The following CADM2 variants were observed in gnomAD, a reference collection of about 807,000 sequenced individuals.
CADM2 encodes immunoglobulin superfamily member 4D.
Under a neutral mutation model 49.8 loss-of-function variants are expected in CADM2, and 12 were observed. The ratio of observed to expected loss-of-function variants is 0.24; its 90% confidence interval spans 0.15 to 0.39. CADM2 has a LOEUF of 0.39. CADM2 is among the 10% of genes least tolerant of loss of function. The probability of loss-of-function intolerance (pLI) is 1.00; values close to 1 mark genes in which losing one functional copy is unlikely to be tolerated. For missense variants in CADM2, 378 were observed against 492.3 expected, an observed-to-expected ratio of 0.77 and a Z score of 2.20; for synonymous variants, 214 against 175.4, an observed-to-expected ratio of 1.22 and a Z score of -1.74.
chr3:85,454,396 C>A (rs548099256), intron 1 of CADM2, among the ~76,000 whole-genome samples: 2 of 152,032 alleles, frequency 1.3e-5, no homozygotes, highest in East Asian at 3.9e-4. Context: ...CAGAATCCCA[C>A]CAAGCAAGCA....
intron 1 of CADM2, among the ~76,000 whole-genome samples, chr3:85,677,112 C>T (rs147243542): frequency 2.6e-5 from 4 of 152,230 alleles, no homozygotes; most frequent in African/African-American, 4.8e-5. Context: ...ACTGTTCACA[C>T]GTATTGACCT....
At chr3:85,750,255 A>T (rs1412526147) in intron 2 of CADM2, among the ~76,000 whole-genome samples, 1 of 151,924 alleles carries the variant, frequency 6.6e-6, no homozygotes, top group African/African-American at 2.4e-5. Flanking sequence ...ATCATGAATG[A>T]GTTTATTTTG....
chr3:85,450,019 G>A (rs1166013465), intron 1 of CADM2, among the ~76,000 whole-genome samples: 1 of 152,176 alleles, frequency 6.6e-6, no homozygotes, highest in Admixed American at 6.5e-5. Context: ...GCAAGGTTAG[G>A]AAACAGGTAA....
At chr3:85,441,136 G>T (rs1408338888) in intron 1 of CADM2, among the ~76,000 whole-genome samples, 2 of 151,654 alleles carry the variant, frequency 1.3e-5, no homozygotes, top group African/African-American at 4.8e-5. Context: ...TCAATCTTCA[G>T]TGTTTTCATG....
chr3:85,058,085 C>A (rs931279717), intron 1 of CADM2, among the ~76,000 whole-genome samples: 7 of 152,228 alleles, frequency 4.6e-5, no homozygotes, highest in Admixed American at 6.5e-5. Flanking sequence ...TATATTCTGT[C>A]TTTTTCTCTG....
intron 7 of CADM2, among the ~76,000 whole-genome samples, chr3:85,943,510 G>A (rs1260757290): frequency 1.3e-5 from 2 of 150,704 alleles, no homozygotes; most frequent in Admixed American, 6.7e-5. Context: ...ATTGATTTTT[G>A]TATAAGGTGT....
At chr3:85,861,318 G>A (rs61708211) in intron 3 of CADM2, among the ~76,000 whole-genome samples, 7,675 of 152,144 alleles carry the variant, frequency 0.05, 550 homozygotes, top group African/African-American at 0.16. Flanking sequence ...TTCCTGATAT[G>A]TAACTGGAAA....
At chr3:85,822,452 T>C (rs1481400233) in intron 3 of CADM2, among the ~76,000 whole-genome samples, 1 of 152,008 alleles carries the variant, frequency 6.6e-6, no homozygotes. Context: ...GGCATGGTGA[T>C]GTATGCTTGT....
chr3:85,241,746 T>C (rs369249715), intron 1 of CADM2, among the ~76,000 whole-genome samples: 1 of 151,604 alleles, frequency 6.6e-6, no homozygotes, highest in Admixed American at 6.6e-5. Context: ...AATTTATATG[T>C]ATTTCAAATG....
At chr3:85,396,430 T>C (rs2034794988) in intron 1 of CADM2, among the ~76,000 whole-genome samples, 2 of 152,030 alleles carry the variant, frequency 1.3e-5, no homozygotes, top group African/African-American at 4.8e-5. Flanking sequence ...GCAATGACTC[T>C]TATCTTATTG....
At chr3:85,843,897 T>TGG (rs915915212) in intron 3 of CADM2, among the ~76,000 whole-genome samples, 85 of 150,790 alleles carry the variant, frequency 5.6e-4, no homozygotes, top group African/African-American at 2.0e-3. Context: ...TATGTGTGTG[T>TGG]GGGGGGGGAG....
chr3:85,092,524 G>A (rs557340810), intron 1 of CADM2, among the ~76,000 whole-genome samples: 86 of 152,140 alleles, frequency 5.7e-4, no homozygotes, highest in Non-Finnish European at 2.8e-4. Context: ...CATCTGGCAG[G>A]TGTCTAATAA....
chr3:85,903,860 T>C (rs919624677), intron 5 of CADM2, among the ~76,000 whole-genome samples: 1 of 152,200 alleles, frequency 6.6e-6, no homozygotes, highest in Admixed American at 6.5e-5. Context: ...AGTTGTTCTA[T>C]AGCTTGATCC....
intron 1 of CADM2, among the ~76,000 whole-genome samples, chr3:85,628,516 T>TATATATATACACACATATATATACAC (rs1329757632): frequency 3.4e-5 from 5 of 147,266 alleles, no homozygotes; most frequent in Non-Finnish European, 4.5e-5. Context: ...CATATACATA[T>TATATATATACACACATATATATACAC]ATATATATAC....
chr3:84,964,760 T>G (rs1339602472), intron 1 of CADM2, among the ~76,000 whole-genome samples: 1 of 152,228 alleles, frequency 6.6e-6, no homozygotes, highest in Admixed American at 6.5e-5. Flanking sequence ...TGCAATTTTC[T>G]TATCCTCATT....
intron 1 of CADM2, among the ~76,000 whole-genome samples, chr3:85,476,606 A>G (rs1415921139): frequency 6.6e-6 from 1 of 151,810 alleles, no homozygotes; most frequent in Non-Finnish European, 1.5e-5. Flanking sequence ...AGTGCACTAA[A>G]AGATAGCAGA....
At chr3:85,121,994 C>G (rs746913617) in intron 1 of CADM2, among the ~76,000 whole-genome samples, 25 of 151,930 alleles carry the variant, frequency 1.6e-4, no homozygotes, top group Non-Finnish European at 1.5e-5. Flanking sequence ...CAATCGAGTC[C>G]AATCTTTTCA....
At chr3:85,558,078 T>A (rs2062005600) in intron 1 of CADM2, among the ~76,000 whole-genome samples, 1 of 151,954 alleles carries the variant, frequency 6.6e-6, no homozygotes, top group Non-Finnish European at 1.5e-5. Context: ...AGAATGCAGA[T>A]CACAAACACT....
intron 1 of CADM2, among the ~76,000 whole-genome samples, chr3:85,264,509 C>G (rs943042527): frequency 2.0e-5 from 3 of 151,982 alleles, no homozygotes; most frequent in Admixed American, 1.3e-4. Flanking sequence ...TTTCACTTGC[C>G]TAGTTTCTGG....
Sources: allele counts gnomAD v4.1 joint callset (sites outside exome capture counted in the v4.1 genomes callset), GRCh38; gene constraint gnomAD v4.1.1; transcripts MANE v1.5; gene names NCBI Gene and HGNC (gene_info 2026-07-23, HGNC 2026-07-21).